TTBK2: variants seen among roughly 807,000 people sequenced by gnomAD.
The protein encoded by TTBK2 is tau tubulin kinase 2.
A neutral mutation model predicts 110.8 loss-of-function variants in TTBK2; 28 were observed. The observed-to-expected ratio is 0.25, with a 90% CI of 0.19 to 0.35. TTBK2 has a LOEUF of 0.35. Among genes scored for constraint, TTBK2 ranks in the 10% least tolerant of loss-of-function variants. The probability of loss-of-function intolerance (pLI) is 1.00; values close to 1 mark genes in which losing one functional copy is unlikely to be tolerated. For synonymous variants in TTBK2, 532 were observed against 527.3 expected (o/e 1.01, Z -0.12); for missense variants, 1,369 against 1,500.3 (o/e 0.91, Z 1.45).
intron 3 of TTBK2, among the ~76,000 whole-genome samples, chr15:42,842,932 A>G (rs1317727422): frequency 1.3e-5 from 2 of 152,180 alleles, no homozygotes; most frequent in Admixed American, 1.3e-4. Context: ...TATCTATTAC[A>G]TTGTAGTAAG....
chr15:42,912,218 T>G (rs774565978), intron 1 of TTBK2, among the ~76,000 whole-genome samples: 2 of 152,046 alleles, frequency 1.3e-5, no homozygotes, highest in Non-Finnish European at 2.9e-5. Context: ...GTCGGCAAGG[T>G]GGCACAGGGT....
At chr15:42,885,916 C>T (rs1031665577) in intron 1 of TTBK2, among the ~76,000 whole-genome samples, 4 of 152,128 alleles carry the variant, frequency 2.6e-5, no homozygotes, top group African/African-American at 4.8e-5. Flanking sequence ...AATACAAACT[C>T]GACAGTAGTT....
At chr15:42,779,283 C>G (rs1048087310) in intron 11 of TTBK2, among the ~76,000 whole-genome samples, 2 of 151,966 alleles carry the variant, frequency 1.3e-5, no homozygotes, top group African/African-American at 4.8e-5. Flanking sequence ...GTGGTGCATG[C>G]CTGTGGTCCC....
intron 9 of TTBK2, among the ~76,000 whole-genome samples, chr15:42,807,342 T>C (rs1323680739): frequency 1.3e-5 from 2 of 152,104 alleles, no homozygotes; most frequent in African/African-American, 4.8e-5. Context: ...ACTTGCTAAG[T>C]GATGCTTAAC....
chr15:42,863,145 A>G (rs1567065819), intron 3 of TTBK2, among the ~76,000 whole-genome samples: 1 of 152,152 alleles, frequency 6.6e-6, no homozygotes, highest in African/African-American at 2.4e-5. Flanking sequence ...CACTAACAAC[A>G]TGATTCTACA....
chr15:42,880,708 A>G (rs1895005894), intron 1 of TTBK2, among the ~76,000 whole-genome samples: 1 of 152,172 alleles, frequency 6.6e-6, no homozygotes. Context: ...AGTTTGTTTC[A>G]TTCACAGAAA....
rs993732978 is a variant in TTBK2 at position 42,741,264 on chromosome 15, C to T, written c.*4531G>A. Reference sequence around the variant, plus strand: ...TGTCCCAACACCCTCTGAGGGTTTTCATGCATTAATCCCGCCATATGGGCT... The same window carrying T: ...TGTCCCAACACCCTCTGAGGGTTTTTATGCATTAATCCCGCCATATGGGCT... On this transcript the variant is annotated 3_prime_UTR_variant, in exon 15 of 15. Coordinates refer to ENST00000267890, the MANE Select transcript of TTBK2 (RefSeq NM_173500.4). The T allele has an allele frequency of 6.6e-5, 10 of 152,218 alleles. No individual in the cohort carries two copies. The highest frequency in any genetic ancestry group is 2.4e-4 in the African/African-American group (10 of 41,460). 9.4% of individuals were successfully genotyped at this position (152,218 alleles called of 1,614,324 possible). A position where few individuals can be genotyped will look rare whatever the true frequency, so the allele number is the denominator to read the frequency against.
intron 13 of TTBK2, among the ~76,000 whole-genome samples, chr15:42,765,946 G>T (rs1019842803): frequency 3.3e-5 from 5 of 152,198 alleles, no homozygotes; most frequent in Non-Finnish European, 7.3e-5. Context: ...CAAGCCAGAA[G>T]AGAGTGGGGG....
At chr15:42,892,150 C>A (rs576068008) in intron 1 of TTBK2, among the ~76,000 whole-genome samples, 3 of 152,280 alleles carry the variant, frequency 2.0e-5, no homozygotes, top group Non-Finnish European at 4.4e-5. Context: ...TCTCTGATAA[C>A]AAGCTAGTAT....
chr15:42,869,641 T>C (rs1894532139), intron 3 of TTBK2, among the ~76,000 whole-genome samples: 1 of 152,036 alleles, frequency 6.6e-6, no homozygotes, highest in Admixed American at 6.6e-5. Flanking sequence ...AGGATGAAGA[T>C]AGTAGAGCTG....
intron 1 of TTBK2, among the ~76,000 whole-genome samples, chr15:42,879,859 T>C (rs1444559580): frequency 6.6e-6 from 1 of 151,714 alleles, no homozygotes; most frequent in African/African-American, 2.4e-5. Flanking sequence ...TAGGCAGATG[T>C]GGTTGCATGT....
intron 1 of TTBK2, among the ~76,000 whole-genome samples, chr15:42,919,281 T>C (rs899325348): frequency 2.7e-5 from 1 of 36,898 alleles, no homozygotes; most frequent in African/African-American, 7.1e-5. Context: ...TGCTTCTTTA[T>C]TTAAAAAAAA....
intron 2 of TTBK2, among the ~76,000 whole-genome samples, chr15:42,877,124 G>A (rs1015067076): frequency 1.3e-5 from 2 of 152,030 alleles, no homozygotes; most frequent in Non-Finnish European, 2.9e-5. Flanking sequence ...TAAAAAACTT[G>A]TCCTTATAGA....
intron 6 of TTBK2, among the ~76,000 whole-genome samples, chr15:42,826,606 G>T (rs1023995522): frequency 6.6e-6 from 1 of 152,146 alleles, no homozygotes; most frequent in Non-Finnish European, 1.5e-5. Flanking sequence ...TTCAAATAAA[G>T]CAAATGCCCA....
intron 13 of TTBK2, 99 bp from the exon 14 acceptor site, chr15:42,753,346 G>T: frequency 1.6e-6 from 2 of 1,276,380 alleles, no homozygotes; most frequent in Non-Finnish European, 2.2e-6. Flanking sequence ...TTTATAGGAA[G>T]AACACAGATG....
intron 9 of TTBK2, among the ~76,000 whole-genome samples, chr15:42,802,590 TAAAG>T (rs1035580089): frequency 6.6e-6 from 1 of 152,102 alleles, no homozygotes; most frequent in African/African-American, 2.4e-5. Context: ...TAAAATAAAA[TAAAG>T]AGAATGAGTT....
At chr15:42,810,281 T>C (rs558343022) in intron 9 of TTBK2, among the ~76,000 whole-genome samples, 33 of 152,302 alleles carry the variant, frequency 2.2e-4, no homozygotes, top group African/African-American at 7.7e-4. Flanking sequence ...GACATTTCCT[T>C]CTGGTCAACA....
intron 9 of TTBK2, among the ~76,000 whole-genome samples, chr15:42,799,677 C>T (rs929451919): frequency 2.6e-5 from 4 of 152,062 alleles, no homozygotes; most frequent in Non-Finnish European, 4.4e-5. Flanking sequence ...CTCAAGTGAT[C>T]CTCCTGTCTC....
chr15:42,785,115 A>ATTTTT (rs199963873), intron 10 of TTBK2, among the ~76,000 whole-genome samples: 1 of 102,194 alleles, frequency 9.8e-6, no homozygotes, highest in African/African-American at 4.0e-5. Context: ...TCACTTGCAG[A>ATTTTT]TTTTTTTTTT....
Sources: allele counts gnomAD v4.1 joint callset (sites outside exome capture counted in the v4.1 genomes callset), GRCh38; gene constraint gnomAD v4.1.1; transcripts MANE v1.5; gene names NCBI Gene and HGNC (gene_info 2026-07-23, HGNC 2026-07-21).